The following CSMD3 variants were observed in gnomAD, a reference collection of about 807,000 sequenced individuals.
The protein encoded by CSMD3 is CUB and Sushi multiple domains 3.
A neutral mutation model predicts 435.2 loss-of-function variants in CSMD3; 177 were observed. That is an observed-to-expected ratio of 0.41 (90% confidence interval 0.36 to 0.46). The LOEUF is 0.46. Ranked by LOEUF, CSMD3 falls within the 20% of genes least tolerant of loss-of-function variation. The probability of loss-of-function intolerance (pLI) is 0.34; values close to 1 mark genes in which losing one functional copy is unlikely to be tolerated. For synonymous variants in CSMD3, 1,656 were observed against 1,520.5 expected, an observed-to-expected ratio of 1.09 and a Z score of -2.07; for missense variants, 4,265 against 4,504.6, an observed-to-expected ratio of 0.95 and a Z score of 1.52.
chr8:112,263,372 CAGT>C (rs1348873434), intron 61 of CSMD3, among the ~76,000 whole-genome samples: 1 of 152,008 alleles, frequency 6.6e-6, no homozygotes, highest in Non-Finnish European at 1.5e-5. Flanking sequence ...AATTTTCCAG[CAGT>C]AGAATAAATT....
intron 32 of CSMD3, among the ~76,000 whole-genome samples, chr8:112,430,196 A>G (rs1354043115): frequency 6.6e-6 from 1 of 152,020 alleles, no homozygotes; most frequent in Non-Finnish European, 1.5e-5. Flanking sequence ...TATTTTCCCT[A>G]TTATTACTCT....
chr8:112,980,007 G>A (rs921177237), intron 6 of CSMD3, among the ~76,000 whole-genome samples: 2 of 150,872 alleles, frequency 1.3e-5, no homozygotes, highest in African/African-American at 2.4e-5. Context: ...AAAATCACTT[G>A]TTACACATAT....
chr8:112,953,534 A>G (rs1193153067), intron 8 of CSMD3, among the ~76,000 whole-genome samples: 1 of 151,420 alleles, frequency 6.6e-6, no homozygotes, highest in Non-Finnish European at 1.5e-5. Context: ...CTACCAGATC[A>G]ATGGTTTCCT....
At chr8:112,893,953 G>A (rs1312317452) in intron 10 of CSMD3, among the ~76,000 whole-genome samples, 1 of 112,852 alleles carries the variant, frequency 8.9e-6, no homozygotes, top group Non-Finnish European at 1.8e-5. Flanking sequence ...AGCAGAAATG[G>A]GCTACAAAGG....
At chr8:112,406,394 A>C (rs1831863303) in intron 35 of CSMD3, 130 bp downstream of exon 35, 1 of 532,806 alleles carries the variant, frequency 1.9e-6, no homozygotes, top group South Asian at 3.3e-5. Context: ...TATTTATATA[A>C]AGCATACTTA....
At chr8:113,058,827 T>C (rs1239537895) in intron 5 of CSMD3, among the ~76,000 whole-genome samples, 2 of 146,110 alleles carry the variant, frequency 1.4e-5, no homozygotes, top group African/African-American at 2.8e-5. Context: ...TACTCTATAG[T>C]TAGTTTTTAA....
intron 3 of CSMD3, among the ~76,000 whole-genome samples, chr8:113,221,000 G>T (rs1281840241): frequency 6.6e-6 from 1 of 151,278 alleles, no homozygotes; most frequent in Non-Finnish European, 1.5e-5. Flanking sequence ...AGGAATAAGA[G>T]AAGTATGTTC....
intron 12 of CSMD3, among the ~76,000 whole-genome samples, chr8:112,805,419 G>GT (rs34529546): frequency 0.79 from 119,672 of 151,956 alleles, 47,225 homozygotes; most frequent in East Asian, 0.91. Context: ...CAATGGCCAT[G>GT]GTCAAACAAT....
At position 112,341,548 on chromosome 8, in the gene CSMD3, G is replaced by C. The variant is rs1333535633; in HGVS notation, c.6581C>G (p.Thr2194Ser). 6.2e-7 allele frequency: 1 copy of C among 1,613,300 alleles called. No homozygotes were observed. Among genetic ancestry groups the C allele is most frequent in the Admixed American group, 1.7e-5 (1 of 59,958 alleles). ...PQIPSSLFST[T>S]HETSLYFHSD... The stretch of plus-strand genomic sequence containing the variant: ...GTGAAAATATAAGCTGGTTTCATGG[G>C]TGGTGCTGAATAAGGAAGATGGTAT... The change falls in exon 42 of 71, where the codon ACC (threonine) becomes AGC (serine). Residue 2194 changes from threonine (T) to serine (S), a missense_variant. Transcript: ENST00000297405.
chr8:113,269,411 T>A (rs1019964403), intron 3 of CSMD3, among the ~76,000 whole-genome samples: 3 of 151,972 alleles, frequency 2.0e-5, no homozygotes, highest in African/African-American at 7.3e-5. Context: ...TTCAGCGCCA[T>A]CCCCATCAAG....
intron 35 of CSMD3, among the ~76,000 whole-genome samples, chr8:112,403,513 T>C (rs952221206): frequency 6.6e-5 from 10 of 152,158 alleles, no homozygotes; most frequent in Admixed American, 3.9e-4. Flanking sequence ...TTCTAAAGAT[T>C]GGGAAGTCTA....
chr8:113,320,941 A>G (rs889537445), intron 1 of CSMD3, among the ~76,000 whole-genome samples: 1 of 152,136 alleles, frequency 6.6e-6, no homozygotes, highest in African/African-American at 2.4e-5. Context: ...CTAGTCATCC[A>G]TGTCCTTTGC....
At chr8:112,432,549 G>A (rs1272004424) in intron 32 of CSMD3, among the ~76,000 whole-genome samples, 3 of 152,016 alleles carry the variant, frequency 2.0e-5, no homozygotes, top group Non-Finnish European at 4.4e-5. Context: ...CTGGGCTCAA[G>A]TTTTCCTCCT....
At chr8:112,276,125 G>T (rs1818013406) in intron 59 of CSMD3, among the ~76,000 whole-genome samples, 1 of 152,020 alleles carries the variant, frequency 6.6e-6, no homozygotes, top group South Asian at 2.1e-4. Flanking sequence ...AAAATGAAGG[G>T]GCTACAGGCC....
At chr8:112,231,758 C>A in intron 68 of CSMD3, 126 bp from the exon 69 acceptor site, 1 of 721,978 alleles carries the variant, frequency 1.4e-6, no homozygotes, top group Admixed American at 2.4e-5. Context: ...CTATATTTTT[C>A]TCCTTTGCAA....
chr8:113,050,238 G>C (rs1313545151), intron 5 of CSMD3, among the ~76,000 whole-genome samples: 2 of 151,826 alleles, frequency 1.3e-5, no homozygotes, highest in Non-Finnish European at 2.9e-5. Context: ...GTATGTATAT[G>C]TGTGGGTGTA....
In CSMD3 at chr8:113,155,161, T is replaced by G. The variant is rs2091906483; in HGVS notation, c.709+18561A>C. 2.0e-5 allele frequency among the ~76,000 whole-genome samples: 3 copies of G among 152,014 alleles called. No homozygotes were observed. In the South Asian group the frequency reaches 6.2e-4, roughly 31 times the overall value. On this transcript the variant is annotated intron_variant, in intron 4 of 70. Transcript: ENST00000297405. ...AAGAGTGAAAGCTATTACTGAAGTGTGAAAAGAGGCTACCTTTTAAAGGCA... is the reference window on the plus strand; with the variant it reads ...AAGAGTGAAAGCTATTACTGAAGTGGGAAAAGAGGCTACCTTTTAAAGGCA...
chr8:113,184,382 C>T (rs899456413), intron 3 of CSMD3, among the ~76,000 whole-genome samples: 2 of 151,940 alleles, frequency 1.3e-5, no homozygotes, highest in African/African-American at 2.4e-5. Context: ...TCCTTGAAGG[C>T]CGAAAATCTC....
chr8:112,277,361 G>GC (rs1285741545), intron 59 of CSMD3, among the ~76,000 whole-genome samples: 1 of 152,076 alleles, frequency 6.6e-6, no homozygotes, highest in Non-Finnish European at 1.5e-5. Flanking sequence ...CTAAAACGTA[G>GC]CAAGAGTCAC....
Sources: gnomAD v4.1 joint callset for allele counts (sites outside exome capture counted in the v4.1 genomes callset) on GRCh38, gnomAD v4.1.1 for gene constraint, MANE v1.5 for transcripts, NCBI Gene and HGNC (gene_info 2026-07-23, HGNC 2026-07-21) for gene names.